COL24A1: variants seen among roughly 807,000 people sequenced by gnomAD.
COL24A1 encodes the protein collagen alpha-1(XXIV) chain.
A neutral mutation model predicts 253.9 loss-of-function variants in COL24A1; 224 were observed. The observed-to-expected ratio is 0.88, with a 90% confidence interval of 0.79 to 0.99. COL24A1 has a LOEUF of 0.99. Ranked by LOEUF, COL24A1 falls within the 50% of genes least tolerant of loss-of-function variation. The probability of loss-of-function intolerance (pLI) is 0.00; values close to 1 mark genes in which losing one functional copy is unlikely to be tolerated. For synonymous variants in COL24A1, 685 were observed against 673.7 expected (o/e 1.02, Z -0.26); for missense variants, 2,131 against 2,068.5 (o/e 1.03, Z -0.59).
intron 2 of COL24A1, among the ~76,000 whole-genome samples, chr1:86,137,369 TA>T (rs1353866936): frequency 1.3e-5 from 2 of 152,220 alleles, no homozygotes; most frequent in Admixed American, 6.5e-5. Context: ...TTAAGTCACA[TA>T]ATTTGCATAA....
At chr1:85,831,545 T>G (rs185267901) in intron 43 of COL24A1, among the ~76,000 whole-genome samples, 7 of 152,238 alleles carry the variant, frequency 4.6e-5, no homozygotes, top group Middle Eastern at 6.8e-3. Context: ...TTTTCTGTAT[T>G]GGTAAAAATT....
intron 43 of COL24A1, among the ~76,000 whole-genome samples, chr1:85,834,607 C>G (rs752226702): frequency 6.6e-6 from 1 of 152,134 alleles, no homozygotes; most frequent in African/African-American, 2.4e-5. Flanking sequence ...TTGCCAGCCC[C>G]CCTCCGCCCA....
chr1:86,114,309 A>G (rs554875295), intron 4 of COL24A1, among the ~76,000 whole-genome samples: 1 of 152,348 alleles, frequency 6.6e-6, no homozygotes, highest in African/African-American at 2.4e-5. Context: ...AAAGTAAAAA[A>G]GTAAACTGCC....
intron 57 of COL24A1, among the ~76,000 whole-genome samples, chr1:85,744,315 A>C (rs1463239741): frequency 6.6e-6 from 1 of 152,072 alleles, no homozygotes; most frequent in Admixed American, 6.6e-5. Flanking sequence ...ATGGTGAAGG[A>C]GATGCTATAA....
intron 53 of COL24A1, among the ~76,000 whole-genome samples, chr1:85,767,458 G>A (rs555321646): frequency 7.2e-4 from 110 of 152,152 alleles, no homozygotes; most frequent in African/African-American, 2.6e-3. Context: ...AAGGTTTAAC[G>A]GCACATTTTA....
intron 2 of COL24A1, among the ~76,000 whole-genome samples, chr1:86,143,331 T>C (rs529397423): frequency 6.6e-6 from 1 of 152,282 alleles, no homozygotes; most frequent in African/African-American, 2.4e-5. Context: ...AGAATCAAAT[T>C]TCTGGAGTAC....
intron 59 of COL24A1, among the ~76,000 whole-genome samples, 172 bp downstream of exon 59, chr1:85,734,576 TA>T (rs1663850808): frequency 6.6e-6 from 1 of 152,222 alleles, no homozygotes; most frequent in Non-Finnish European, 1.5e-5. Flanking sequence ...AGGTATTATA[TA>T]AACAAATGAT....
At chr1:86,095,186 C>T (rs1486534338) in intron 5 of COL24A1, among the ~76,000 whole-genome samples, 2 of 151,974 alleles carry the variant, frequency 1.3e-5, no homozygotes, top group Non-Finnish European at 2.9e-5. Context: ...TTTCTATCAT[C>T]TGTCAGCTTT....
intron 53 of COL24A1, among the ~76,000 whole-genome samples, chr1:85,766,345 T>C (rs1468741450): frequency 1.8e-5 from 2 of 113,054 alleles, no homozygotes; most frequent in Non-Finnish European, 3.3e-5. Flanking sequence ...CTCCAGCCTA[T>C]GCAACAGAAC....
intron 24 of COL24A1, among the ~76,000 whole-genome samples, chr1:85,937,214 C>T (rs1688320669): frequency 6.8e-6 from 1 of 147,632 alleles, no homozygotes. Context: ...CAGCTTCACC[C>T]AGAAGTGCCT....
At chr1:86,107,431 T>C (rs1300209719) in intron 5 of COL24A1, among the ~76,000 whole-genome samples, 1 of 152,214 alleles carries the variant, frequency 6.6e-6, no homozygotes, top group African/African-American at 2.4e-5. Flanking sequence ...TAGAAATGCA[T>C]GTTAAGTACC....
At chr1:86,018,272 T>C (rs776877120) in intron 18 of COL24A1, among the ~76,000 whole-genome samples, 16 of 152,222 alleles carry the variant, frequency 1.1e-4, no homozygotes, top group Non-Finnish European at 2.2e-4. Flanking sequence ...TCATTCTCAG[T>C]GCTGAGGTAT....
chr1:85,815,457 C>T (rs568373275), intron 47 of COL24A1, among the ~76,000 whole-genome samples: 69 of 152,052 alleles, frequency 4.5e-4, no homozygotes, highest in Non-Finnish European at 7.4e-4. Context: ...TTTCGTAGGC[C>T]GTAACCTGAT....
chr1:86,127,597 G>A (rs1481194727), intron 2 of COL24A1, among the ~76,000 whole-genome samples: 1 of 151,810 alleles, frequency 6.6e-6, no homozygotes, highest in Non-Finnish European at 1.5e-5. Context: ...ATTATTCTTT[G>A]GGTTATAAAT....
intron 55 of COL24A1, among the ~76,000 whole-genome samples, chr1:85,756,309 C>T (rs1216320763): frequency 6.6e-6 from 1 of 151,946 alleles, no homozygotes; most frequent in Non-Finnish European, 1.5e-5. Context: ...ATCCCAGCTA[C>T]TCAGGAGGCT....
At chr1:86,049,430 A>G (rs1241173219) in intron 11 of COL24A1, among the ~76,000 whole-genome samples, 2 of 152,208 alleles carry the variant, frequency 1.3e-5, no homozygotes, top group African/African-American at 4.8e-5. Flanking sequence ...ACATTCTTAT[A>G]ATGATAGGGG....
intron 54 of COL24A1, 44 bp from the exon 55 acceptor site, chr1:85,761,466 A>T: frequency 6.2e-7 from 1 of 1,613,828 alleles, no homozygotes; most frequent in Non-Finnish European, 8.5e-7. Flanking sequence ...TATTTAGTAG[A>T]CATCTTAAAC....
intron 14 of COL24A1, among the ~76,000 whole-genome samples, chr1:86,026,043 C>T (rs1697993840): frequency 6.6e-6 from 1 of 152,080 alleles, no homozygotes; most frequent in African/African-American, 2.4e-5. Context: ...CCTTCTATGC[C>T]ATTAGATTGT....
intron 3 of COL24A1, among the ~76,000 whole-genome samples, chr1:86,118,323 A>G (rs1323026100): frequency 6.6e-6 from 1 of 152,194 alleles, no homozygotes. Flanking sequence ...TTGGCCTCCC[A>G]AAGTGCTGGG....
Sources: gnomAD v4.1 joint callset for allele counts (sites outside exome capture counted in the v4.1 genomes callset) on GRCh38, gnomAD v4.1.1 for gene constraint, MANE v1.5 for transcripts, NCBI Gene and HGNC (gene_info 2026-07-23, HGNC 2026-07-21) for gene names.